Variants in DISP1 observed in about 807,000 individuals in gnomAD.
The protein encoded by DISP1 is dispatched RND transporter family member 1.
DISP1 carries 30 observed loss-of-function variants against 37.3 expected under a neutral mutation model. The observed-to-expected ratio is 0.80, with a 90% confidence interval of 0.60 to 1.09. The LOEUF (loss-of-function observed/expected upper bound fraction) is 1.09, where lower values mean the gene tolerates loss of function less well. Ranked by LOEUF, DISP1 falls within the 50% of genes least tolerant of loss-of-function variation. The pLI is 0.00. For synonymous variants in DISP1, 634 were observed against 690.2 expected (o/e 0.92, Z 1.28); for missense variants, 1,598 against 1,879.5 (o/e 0.85, Z 2.77).
intron 1 of DISP1, among the ~76,000 whole-genome samples, chr1:222,839,508 T>A (rs927951370): frequency 2.0e-5 from 3 of 152,208 alleles, no homozygotes; most frequent in African/African-American, 7.2e-5. Flanking sequence ...GCTACTAGTT[T>A]CTGACAGTTA....
intron 1 of DISP1, among the ~76,000 whole-genome samples, chr1:222,826,653 C>T (rs1478836566): frequency 3.3e-5 from 5 of 151,964 alleles, no homozygotes; most frequent in Non-Finnish European, 7.4e-5. Flanking sequence ...CTCCCAAAGT[C>T]CTGGTATTTA....
At chr1:222,938,205 T>C (rs73128692) in intron 2 of DISP1, among the ~76,000 whole-genome samples, 4,627 of 152,254 alleles carry the variant, frequency 0.03, 249 homozygotes, top group African/African-American at 0.1. Context: ...TTACTCATTA[T>C]ATTTTACCCA....
chr1:222,836,872 A>G (rs561510665), intron 1 of DISP1: 264 of 378,502 alleles, frequency 7.0e-4, no homozygotes, highest in African/African-American at 5.2e-3. Flanking sequence ...ATTGCTGGCT[A>G]TGTGGCCTTA....
chr1:222,870,020 A>G (rs1669442167), intron 1 of DISP1, among the ~76,000 whole-genome samples: 1 of 151,512 alleles, frequency 6.6e-6, no homozygotes, highest in Admixed American at 6.6e-5. Flanking sequence ...ATTCCCACCT[A>G]TGAATGAGAA....
intron 5 of DISP1, 70 bp downstream of exon 5, chr1:222,990,818 A>T (rs1401770466): frequency 1.1e-5 from 18 of 1,587,322 alleles, no homozygotes; most frequent in Non-Finnish European, 1.6e-5. Flanking sequence ...TACATGTTGC[A>T]TTATGTTATT....
chr1:222,927,904 A>G (rs1193174747), intron 1 of DISP1, among the ~76,000 whole-genome samples: 1 of 152,200 alleles, frequency 6.6e-6, no homozygotes, highest in East Asian at 1.9e-4. Context: ...CTAACATTTT[A>G]AAAGAAGATT....
rs575097776 is a variant in DISP1, at chr1:222,894,122, C to A, written c.-158-34308C>A. ...GGTCTCATAAGGCAGGAAGTGTGTA[C>A]TGGTTGATCCATGGTTGGGCCCAGA... On this transcript the variant is annotated intron_variant, in intron 1 of 8. Transcript: ENST00000675850. Among the ~76,000 whole-genome samples the A allele has an allele frequency of 4.6e-5, 7 of 152,230 alleles. No individual in the cohort carries two copies. In the East Asian group the frequency reaches 1.4e-3, roughly 30 times the overall value.
At chr1:223,000,446 G>T (rs1208515593) in intron 8 of DISP1, among the ~76,000 whole-genome samples, 1 of 152,108 alleles carries the variant, frequency 6.6e-6, no homozygotes, top group Non-Finnish European at 1.5e-5. Flanking sequence ...GAATGTTTAC[G>T]ATTGCTCCTC....
At chr1:222,851,189 C>T (rs1341174372) in intron 1 of DISP1, among the ~76,000 whole-genome samples, 1 of 151,634 alleles carries the variant, frequency 6.6e-6, no homozygotes, top group Non-Finnish European at 1.5e-5. Flanking sequence ...GCCTCAGTCT[C>T]CCAAGTAGCT....
chr1:222,958,618 A>C (rs1675799601), intron 3 of DISP1, among the ~76,000 whole-genome samples: 1 of 152,234 alleles, frequency 6.6e-6, no homozygotes, highest in Non-Finnish European at 1.5e-5. Flanking sequence ...ACGATTTTGT[A>C]TTGCATAGTT....
chr1:222,864,774 G>A (rs1669084897), intron 1 of DISP1, among the ~76,000 whole-genome samples: 1 of 152,056 alleles, frequency 6.6e-6, no homozygotes. Flanking sequence ...GCTGCTGCCA[G>A]GCAAAAAGAA....
intron 3 of DISP1, among the ~76,000 whole-genome samples, chr1:222,971,481 G>C (rs1349374331): frequency 6.7e-6 from 1 of 148,674 alleles, no homozygotes; most frequent in South Asian, 2.3e-4. Context: ...GAATAATTCT[G>C]TAGGGACAAA....
intron 3 of DISP1, among the ~76,000 whole-genome samples, chr1:222,959,608 G>T (rs1410245956): frequency 6.6e-6 from 1 of 150,638 alleles, no homozygotes; most frequent in East Asian, 2.0e-4. Context: ...GCTGAGGCAG[G>T]AGAATTACTT....
chr1:222,947,009 T>C (rs984342891), intron 3 of DISP1, among the ~76,000 whole-genome samples: 1 of 152,224 alleles, frequency 6.6e-6, no homozygotes, highest in Non-Finnish European at 1.5e-5. Context: ...ATTTTTTTTA[T>C]TGTGGTGAAA....
chr1:222,995,336 T>C (rs1281187082), intron 8 of DISP1, among the ~76,000 whole-genome samples: 1 of 152,230 alleles, frequency 6.6e-6, no homozygotes, highest in African/African-American at 2.4e-5. Context: ...TTGTTCCCTA[T>C]TTCCTGCCCT....
intron 1 of DISP1, among the ~76,000 whole-genome samples, chr1:222,919,519 T>C (rs905994464): frequency 2.0e-5 from 3 of 152,184 alleles, no homozygotes; most frequent in Non-Finnish European, 4.4e-5. Flanking sequence ...CAGGGAGCCC[T>C]CTTCTTCCCC....
chr1:222,860,881 C>CA, intron 1 of DISP1, among the ~76,000 whole-genome samples: 1 of 151,860 alleles, frequency 6.6e-6, no homozygotes, highest in East Asian at 1.9e-4. Context: ...TCAAAAAAAA[C>CA]AAAAAACAAA....
At chr1:222,834,788 C>T (rs1666624996) in intron 1 of DISP1, among the ~76,000 whole-genome samples, 1 of 152,158 alleles carries the variant, frequency 6.6e-6, no homozygotes, top group South Asian at 2.1e-4. Flanking sequence ...GGCTCTGTTA[C>T]ACATGAGCTG....
At chr1:222,994,587 G>A (rs904720793) in intron 7 of DISP1, among the ~76,000 whole-genome samples, 1 of 152,094 alleles carries the variant, frequency 6.6e-6, no homozygotes, top group South Asian at 2.1e-4. Flanking sequence ...GTTTCCTGTT[G>A]TAAATTCCTG....
Sources: gnomAD v4.1 joint callset for allele counts (sites outside exome capture counted in the v4.1 genomes callset) on GRCh38, gnomAD v4.1.1 for gene constraint, MANE v1.5 for transcripts, NCBI Gene and HGNC (gene_info 2026-07-23, HGNC 2026-07-21) for gene names.